EDA: variants seen among roughly 807,000 people sequenced by gnomAD.
EDA encodes ectodysplasin-A.
A neutral mutation model predicts 23.6 loss-of-function variants in EDA; 2 were observed. The ratio of observed to expected loss-of-function variants is 0.08; its 90% CI spans 0.03 to 0.27. The LOEUF (loss-of-function observed/expected upper bound fraction) is 0.27. EDA is among the 10% of genes least tolerant of loss of function. EDA has a pLI of 1.00. For missense variants in EDA, 229 were observed against 324.2 expected (o/e 0.71, Z 2.26); for synonymous variants, 131 against 132.0 (o/e 0.99, Z 0.05).
intron 2 of EDA, among the ~76,000 whole-genome samples, chrX:69,990,144 T>G (rs1335595648): frequency 9.0e-6 from 1 of 110,640 alleles, no homozygotes; most frequent in African/African-American, 3.3e-5. Context: ...ATTGAAACCT[T>G]AACATTTTTC....
intron 1 of EDA, among the ~76,000 whole-genome samples, chrX:69,768,090 C>A (rs2014523520): frequency 9.0e-6 from 1 of 111,432 alleles, no homozygotes. Flanking sequence ...ATTCTAGGTG[C>A]AAGTCCTTTG....
At chrX:69,888,048 A>G (rs1255417209) in intron 1 of EDA, among the ~76,000 whole-genome samples, 1 of 112,114 alleles carries the variant, frequency 8.9e-6, no homozygotes, top group Non-Finnish European at 1.9e-5. Context: ...TAATAGTGGT[A>G]TATAAATCAC....
In EDA at chrX:69,998,561, A is replaced by G. The variant is rs189238882; in HGVS notation, c.503-24657A>G. 4.8e-3 allele frequency among the ~76,000 whole-genome samples: 535 copies of G among 112,116 alleles called. 4 individuals are homozygous for G. Among genetic ancestry groups the G allele is most frequent in the South Asian group, 7.1e-3 (19 of 2,660 alleles). ...GACTTTGGAGGACTGTTGGGAAGGC[A>G]TGATTGGTTTTGAAATGTGAGGACA... On this transcript the variant is annotated intron_variant, in intron 2 of 7. Coordinates refer to ENST00000374552, the MANE Select transcript of EDA (RefSeq NM_001399.5).
intron 1 of EDA, among the ~76,000 whole-genome samples, chrX:69,847,790 G>A (rs2017039919): frequency 9.0e-6 from 1 of 111,139 alleles, no homozygotes; most frequent in Non-Finnish European, 1.9e-5. Flanking sequence ...AGGTTTTTAT[G>A]TGAACATAAG....
chrX:69,682,763 C>T (rs917374023), intron 1 of EDA, among the ~76,000 whole-genome samples: 6 of 111,198 alleles, frequency 5.4e-5, no homozygotes, highest in East Asian at 2.8e-4. Context: ...CAGATGGAAA[C>T]GCAGAAATCA....
chrX:69,911,631 T>A (rs2018267479), intron 1 of EDA, among the ~76,000 whole-genome samples: 1 of 112,183 alleles, frequency 8.9e-6, no homozygotes, highest in Admixed American at 9.5e-5. Context: ...AATATCATAA[T>A]AAAATGAGTC....
intron 1 of EDA, chrX:69,742,944 C>T (rs1343245927): frequency 9.0e-6 from 1 of 111,033 alleles, no homozygotes; most frequent in African/African-American, 3.3e-5. Context: ...TCTACTACAT[C>T]CTGGCTGTAA....
intron 1 of EDA, among the ~76,000 whole-genome samples, chrX:69,678,606 C>T (rs1258623683): frequency 3.0e-4 from 32 of 107,555 alleles, no homozygotes; most frequent in Non-Finnish European, 5.6e-4. Context: ...AGTTCACTCA[C>T]GATTTGGCTC....
At chrX:69,722,627 A>G (rs181559794) in intron 1 of EDA, among the ~76,000 whole-genome samples, 1 of 111,675 alleles carries the variant, frequency 9.0e-6, no homozygotes, top group African/African-American at 3.2e-5. Flanking sequence ...ATCATTCTGA[A>G]TCTTGGCCTT....
chrX:69,772,616 T>C (rs1010392227), intron 1 of EDA, among the ~76,000 whole-genome samples: 2 of 111,287 alleles, frequency 1.8e-5, no homozygotes, highest in Admixed American at 9.6e-5. Flanking sequence ...CCAATAGTTA[T>C]TCAACTCCTG....
intron 1 of EDA, among the ~76,000 whole-genome samples, chrX:69,700,177 G>A (rs777619270): frequency 9.0e-6 from 1 of 110,819 alleles, no homozygotes; most frequent in Non-Finnish European, 1.9e-5. Flanking sequence ...CTACACAGGA[G>A]CAGATCATTA....
At chrX:69,643,412 C>T (rs936472145) in intron 1 of EDA, among the ~76,000 whole-genome samples, 1 of 111,131 alleles carries the variant, frequency 9.0e-6, no homozygotes, top group Non-Finnish European at 1.9e-5. Flanking sequence ...ATTAGCTATT[C>T]TTCCTGATGC....
intron 2 of EDA, among the ~76,000 whole-genome samples, chrX:69,972,801 C>T (rs2019266065): frequency 9.0e-6 from 1 of 111,663 alleles, no homozygotes; most frequent in Non-Finnish European, 1.9e-5. Context: ...TCCCCTTATG[C>T]ACCCATGTAA....
rs932899765 is a variant in EDA, at chrX:69,655,766, A to C, written c.396+39062A>C. Among the ~76,000 whole-genome samples the C allele has an allele frequency of 8.7e-4, 73 of 84,184 alleles. 2 individuals carry two copies. The highest frequency in any genetic ancestry group is 5.5e-3 in the Middle Eastern group (1 of 183). 73.1% of individuals were successfully genotyped at this position (84,184 alleles called of 115,157 possible). A position where few individuals can be genotyped will look rare whatever the true frequency, so the allele number is the denominator to read the frequency against. ...TATTATTTACATCATTAGAATCTATATATATATATATATATATATATTGCA... is the reference window on the plus strand; with the variant it reads ...TATTATTTACATCATTAGAATCTATCTATATATATATATATATATATTGCA... On this transcript the variant is annotated intron_variant, in intron 1 of 7. Coordinates refer to ENST00000374552, the MANE Select transcript of EDA (RefSeq NM_001399.5).
At chrX:70,034,347 A>T (rs1219270106) in intron 7 of EDA, among the ~76,000 whole-genome samples, 1 of 111,520 alleles carries the variant, frequency 9.0e-6, no homozygotes, top group Non-Finnish European at 1.9e-5. Flanking sequence ...CACACTGAGC[A>T]CCCCGCTGTA....
intron 1 of EDA, among the ~76,000 whole-genome samples, chrX:69,931,671 C>T (rs1183587593): frequency 1.8e-5 from 2 of 111,868 alleles, no homozygotes; most frequent in African/African-American, 6.5e-5. Context: ...AATAATTAAA[C>T]TTAAAAAGAC....
chrX:69,885,578 G>A (rs894701404), intron 1 of EDA, among the ~76,000 whole-genome samples: 11 of 112,139 alleles, frequency 9.8e-5, no homozygotes, highest in African/African-American at 3.2e-4. Context: ...GAAACAGGAT[G>A]CTGTTCATAT....
At chrX:69,732,881 G>A (rs1483957600) in intron 1 of EDA, among the ~76,000 whole-genome samples, 1 of 111,774 alleles carries the variant, frequency 8.9e-6, no homozygotes, top group Non-Finnish European at 1.9e-5. Flanking sequence ...TGTGTCTTTT[G>A]GCTGCATAAA....
intron 1 of EDA, among the ~76,000 whole-genome samples, chrX:69,949,369 C>T (rs1438223804): frequency 9.0e-6 from 1 of 111,705 alleles, no homozygotes; most frequent in African/African-American, 3.3e-5. Flanking sequence ...ATGAACAATA[C>T]AGCTGTTTCT....
Sources: gnomAD v4.1 joint callset for allele counts (sites outside exome capture counted in the v4.1 genomes callset) on GRCh38, gnomAD v4.1.1 for gene constraint, MANE v1.5 for transcripts, NCBI Gene and HGNC (gene_info 2026-07-23, HGNC 2026-07-21) for gene names.